Variants in TLE1 observed in about 807,000 individuals in gnomAD.
The protein encoded by TLE1 is TLE family member 1, transcriptional corepressor.
Under a neutral mutation model 89.8 loss-of-function variants are expected in TLE1, and 21 were observed. The observed-to-expected ratio is 0.23, with a 90% CI of 0.17 to 0.34. The LOEUF is 0.34. Among genes scored for constraint, TLE1 ranks in the 10% least tolerant of loss-of-function variants. The pLI is 1.00. For missense variants in TLE1, 795 were observed against 1,031.2 expected, an observed-to-expected ratio of 0.77 and a Z score of 3.14; for synonymous variants, 447 against 407.6, an observed-to-expected ratio of 1.10 and a Z score of -1.16.
At chr9:81,593,310 A>T (rs1310364475) in intron 14 of TLE1, 36 bp from the exon 15 acceptor site, 1 of 1,575,130 alleles carries the variant, frequency 6.3e-7, no homozygotes, top group Non-Finnish European at 8.7e-7. Context: ...GACAGAAAAC[A>T]CATTTACAGA....
intron 4 of TLE1, among the ~76,000 whole-genome samples, chr9:81,660,995 T>A (rs1176091528): frequency 7.1e-6 from 1 of 140,302 alleles, no homozygotes; most frequent in Non-Finnish European, 1.6e-5. Context: ...CCTGGCGTGG[T>A]GGCACGTGCC....
At chr9:81,633,969 C>A (rs1047357019) in intron 7 of TLE1, 128 bp downstream of exon 7, 6 of 1,093,420 alleles carry the variant, frequency 5.5e-6, no homozygotes, top group Non-Finnish European at 7.5e-6. Flanking sequence ...GAAAGCTTTG[C>A]GACAGTTCCT....
At chr9:81,633,237 A>T in intron 8 of TLE1, 111 bp downstream of exon 8, 4 of 1,531,368 alleles carry the variant, frequency 2.6e-6, no homozygotes, top group South Asian at 1.2e-5. Flanking sequence ...AGACAGGGAG[A>T]GTGTGCATGT....
At chr9:81,687,295 A>ACGTCC (rs760700744) in intron 2 of TLE1, 39 bp downstream of exon 2, 4 of 1,555,960 alleles carry the variant, frequency 2.6e-6, no homozygotes, top group Non-Finnish European at 3.5e-6. Context: ...GGGCACCGGG[A>ACGTCC]CGCCCGCGAC....
At chr9:81,648,450 G>A (rs1278458444) in intron 6 of TLE1, among the ~76,000 whole-genome samples, 1 of 151,934 alleles carries the variant, frequency 6.6e-6, no homozygotes, top group African/African-American at 2.4e-5. Context: ...GGTATACACA[G>A]GTATCAAAAA....
At chr9:81,666,102 C>T (rs1272037972) in intron 4 of TLE1, among the ~76,000 whole-genome samples, 1 of 152,098 alleles carries the variant, frequency 6.6e-6, no homozygotes, top group Non-Finnish European at 1.5e-5. Flanking sequence ...TTCAGAAACC[C>T]TTGTTATGGA....
chr9:81,673,272 T>TAAAAAA (rs5898756), intron 4 of TLE1, among the ~76,000 whole-genome samples: 2 of 98,020 alleles, frequency 2.0e-5, no homozygotes, highest in Admixed American at 1.3e-4. Context: ...AGACTTCATT[T>TAAAAAA]AAAAAAAAAA....
intron 4 of TLE1, among the ~76,000 whole-genome samples, chr9:81,682,943 A>C (rs1290625239): frequency 6.6e-6 from 1 of 152,256 alleles, no homozygotes; most frequent in South Asian, 2.1e-4. Context: ...GAGCAGAGAA[A>C]GTAAAGGCAA....
chr9:81,585,641 C>T lies in TLE1; in HGVS notation c.1992G>A (p.Gly664=). 6.2e-7 allele frequency: 1 copy of T among 1,613,922 alleles called. No individual in the cohort carries two copies. Among genetic ancestry groups the T allele is most frequent in the Non-Finnish European group, 8.5e-7 (1 of 1,179,982 alleles). Residue 664 remains glycine, a synonymous_variant, in exon 18 of 20, where the codon GGG becomes GGA. Transcript: ENST00000376499. ...HDFTSQIFSL[G]YCPTGEWLAV... is the part of the protein sequence containing the mutation. Reference sequence around the variant, plus strand: ...CCAGCCACTCCCCGGTGGGGCAGTACCCCAGGGAGAAGATCTACAAGGAGC... The same window carrying T: ...CCAGCCACTCCCCGGTGGGGCAGTATCCCAGGGAGAAGATCTACAAGGAGC...
chr9:81,647,408 GCCATCCTTTTT>G (rs1828990099), intron 6 of TLE1, among the ~76,000 whole-genome samples: 1 of 152,156 alleles, frequency 6.6e-6, no homozygotes, highest in African/African-American at 2.4e-5. Context: ...AAGCTAAATG[GCCATCCTTTTT>G]CACTACTGTT....
At chr9:81,646,826 C>G (rs1828918606) in intron 6 of TLE1, among the ~76,000 whole-genome samples, 1 of 152,120 alleles carries the variant, frequency 6.6e-6, no homozygotes, top group African/African-American at 2.4e-5. Flanking sequence ...ATACCCTAGA[C>G]TTATTTTTAA....
At position 81,688,350 on chromosome 9, in the gene TLE1, G is replaced by C. The variant is rs1029515803; in HGVS notation, c.-110C>G. ...AGCCGGAAAGCCAAGCAGAAGCGGG[G>C]AGCGCGCTGGCCACGCACGCGCGCT... On this transcript the variant is annotated 5_prime_UTR_variant, in exon 1 of 20. Transcript: ENST00000376499. 2 of 1,251,728 alleles carry C rather than the reference G, an allele frequency of 1.6e-6. No individual in the cohort carries two copies. Among genetic ancestry groups the C allele is most frequent in the South Asian group, 3.5e-5 (2 of 57,594 alleles). The allele number at this position is 1,251,728 out of a possible 1,614,324, so 77.5% of individuals were successfully genotyped here. A position where few individuals can be genotyped will look rare whatever the true frequency, so the allele number is the denominator to read the frequency against.
intron 4 of TLE1, among the ~76,000 whole-genome samples, chr9:81,679,690 T>A (rs564189215): frequency 1.3e-5 from 2 of 152,100 alleles, no homozygotes; most frequent in African/African-American, 4.8e-5. Flanking sequence ...AAAACCACTA[T>A]ACTAAATACC....
chr9:81,636,417 T>C (rs1053211021), intron 6 of TLE1, among the ~76,000 whole-genome samples: 2 of 118,404 alleles, frequency 1.7e-5, no homozygotes, highest in African/African-American at 6.6e-5. Context: ...CTATCATTAC[T>C]TGGAGAGTAA....
intron 8 of TLE1, among the ~76,000 whole-genome samples, chr9:81,627,105 A>C (rs1825997241): frequency 6.6e-6 from 1 of 152,126 alleles, no homozygotes; most frequent in Admixed American, 6.6e-5. Flanking sequence ...GGACTTGACT[A>C]AGTCATCTGT....
At chr9:81,649,443 A>G (rs1829269694) in intron 6 of TLE1, among the ~76,000 whole-genome samples, 1 of 152,178 alleles carries the variant, frequency 6.6e-6, no homozygotes, top group Non-Finnish European at 1.5e-5. Flanking sequence ...ATAAAGAGAA[A>G]TATCTTTAGC....
At chr9:81,668,848 T>C (rs1242550569) in intron 4 of TLE1, among the ~76,000 whole-genome samples, 2 of 152,128 alleles carry the variant, frequency 1.3e-5, no homozygotes, top group Non-Finnish European at 2.9e-5. Context: ...ACAAGAACAA[T>C]TTATAAACCA....
At chr9:81,663,255 G>A (rs1216230181) in intron 4 of TLE1, among the ~76,000 whole-genome samples, 1 of 152,142 alleles carries the variant, frequency 6.6e-6, no homozygotes, top group Non-Finnish European at 1.5e-5. Flanking sequence ...TGGCAAACCT[G>A]GAACTATTTG....
intron 4 of TLE1, among the ~76,000 whole-genome samples, chr9:81,679,628 T>A (rs1833349948): frequency 6.6e-6 from 1 of 152,132 alleles, no homozygotes; most frequent in Non-Finnish European, 1.5e-5. Context: ...TACAGATGCC[T>A]ATTCTTGTCA....
Sources: gnomAD v4.1 joint callset for allele counts (sites outside exome capture counted in the v4.1 genomes callset) on GRCh38, gnomAD v4.1.1 for gene constraint, MANE v1.5 for transcripts, NCBI Gene and HGNC (gene_info 2026-07-23, HGNC 2026-07-21) for gene names.